Variants in IQCJ observed in about 807,000 individuals in gnomAD.
The protein encoded by IQCJ is IQ domain-containing protein J.
Under a neutral mutation model 11.0 loss-of-function variants are expected in IQCJ, and 9 were observed. The observed-to-expected ratio is 0.82, with a 90% CI of 0.49 to 1.43. The LOEUF (loss-of-function observed/expected upper bound fraction) is 1.43. IQCJ is among the 40% of genes most tolerant of loss of function. The pLI is 0.00. For synonymous variants in IQCJ, 55 were observed against 51.3 expected (o/e 1.07, Z -0.31); for missense variants, 146 against 133.2 (o/e 1.10, Z -0.47).
At chr3:159,205,889 G>A (rs2108078275) in intron 1 of IQCJ, among the ~76,000 whole-genome samples, 1 of 152,244 alleles carries the variant, frequency 6.6e-6, no homozygotes, top group South Asian at 2.1e-4. Flanking sequence ...TCCTGTTTCT[G>A]TTCTTCTTTT....
At chr3:159,120,891 T>C (rs924853520) in intron 1 of IQCJ, among the ~76,000 whole-genome samples, 2 of 152,150 alleles carry the variant, frequency 1.3e-5, no homozygotes, top group Non-Finnish European at 2.9e-5. Flanking sequence ...TATTTCTGGG[T>C]TTATATTCAT....
At chr3:159,162,784 A>G (rs1721943087) in intron 1 of IQCJ, among the ~76,000 whole-genome samples, 1 of 152,226 alleles carries the variant, frequency 6.6e-6, no homozygotes, top group African/African-American at 2.4e-5. Flanking sequence ...GTCAGAGAAT[A>G]CTACAAACAC....
intron 1 of IQCJ, among the ~76,000 whole-genome samples, chr3:159,214,582 G>A (rs9865327): frequency 0.024 from 3,679 of 152,212 alleles, 155 homozygotes; most frequent in African/African-American, 0.084. Context: ...ATTTCTACAT[G>A]TGGCCCAGGG....
intron 1 of IQCJ, among the ~76,000 whole-genome samples, chr3:159,179,082 A>G (rs1722950178): frequency 6.6e-6 from 1 of 152,134 alleles, no homozygotes. Context: ...CTCTAGCACA[A>G]TGTCCGTGAA....
intron 1 of IQCJ, among the ~76,000 whole-genome samples, chr3:159,157,735 A>G (rs1284925495): frequency 6.6e-6 from 1 of 152,220 alleles, no homozygotes; most frequent in Non-Finnish European, 1.5e-5. Context: ...ATAATTTCTC[A>G]TATATCCTTC....
chr3:159,079,858 T>A (rs1257687241), intron 1 of IQCJ, among the ~76,000 whole-genome samples: 4 of 152,126 alleles, frequency 2.6e-5, no homozygotes, highest in Admixed American at 2.6e-4. Flanking sequence ...CACAAATCTT[T>A]ATTTTTTTAT....
At chr3:159,218,388 A>G (rs1451591590) in intron 1 of IQCJ, among the ~76,000 whole-genome samples, 1 of 151,808 alleles carries the variant, frequency 6.6e-6, no homozygotes, top group African/African-American at 2.4e-5. Flanking sequence ...AAAAAGAAAC[A>G]TATCAGAAGT....
chr3:159,150,105 G>A (rs1721124204), intron 1 of IQCJ, among the ~76,000 whole-genome samples: 1 of 152,160 alleles, frequency 6.6e-6, no homozygotes, highest in South Asian at 2.1e-4. Context: ...CTAATCCCAA[G>A]ATGGTTGTTG....
At chr3:159,260,292 T>C (rs926777534) in intron 3 of IQCJ, among the ~76,000 whole-genome samples, 3 of 152,176 alleles carry the variant, frequency 2.0e-5, no homozygotes, top group African/African-American at 7.2e-5. Context: ...GTATCTCAAA[T>C]GGCCACTATA....
intron 1 of IQCJ, among the ~76,000 whole-genome samples, chr3:159,115,273 C>T (rs191327819): frequency 1.3e-5 from 2 of 152,328 alleles, no homozygotes; most frequent in East Asian, 3.9e-4. Context: ...GGCAAGGCCT[C>T]ATCCCTTCAA....
chr3:159,119,310 G>A (rs1452802388), intron 1 of IQCJ, among the ~76,000 whole-genome samples: 1 of 152,138 alleles, frequency 6.6e-6, no homozygotes, highest in Non-Finnish European at 1.5e-5. Flanking sequence ...TGGGTGCTGA[G>A]GATCTGTTCT....
intron 1 of IQCJ, among the ~76,000 whole-genome samples, chr3:159,242,198 G>T (rs1295307194): frequency 8.5e-5 from 13 of 152,154 alleles, no homozygotes; most frequent in Admixed American, 8.5e-4. Context: ...ATAGGTGGGG[G>T]TTCGTGTTAC....
chr3:159,200,606 G>T (rs957791419), intron 1 of IQCJ, among the ~76,000 whole-genome samples: 9 of 152,140 alleles, frequency 5.9e-5, no homozygotes, highest in Non-Finnish European at 1.0e-4. Flanking sequence ...GACAGGTTAG[G>T]GTGTGAGCAC....
intron 1 of IQCJ, among the ~76,000 whole-genome samples, chr3:159,082,901 G>A (rs190064756): frequency 1.1e-4 from 17 of 152,220 alleles, no homozygotes; most frequent in Non-Finnish European, 1.5e-4. Flanking sequence ...AAATGTGAGA[G>A]AAATCTGATA....
At chr3:159,240,852 C>T (rs1726876711) in intron 1 of IQCJ, among the ~76,000 whole-genome samples, 2 of 152,164 alleles carry the variant, frequency 1.3e-5, no homozygotes, top group South Asian at 4.1e-4. Context: ...CTTGGCCTCC[C>T]AAAGTGTTGG....
At chr3:159,086,935 C>G (rs1044773822) in intron 1 of IQCJ, among the ~76,000 whole-genome samples, 1 of 152,116 alleles carries the variant, frequency 6.6e-6, no homozygotes, top group Non-Finnish European at 1.5e-5. Flanking sequence ...ATTGCCCTGG[C>G]CAAAACTTCC....
intron 1 of IQCJ, among the ~76,000 whole-genome samples, chr3:159,168,462 A>T (rs1722300110): frequency 6.6e-6 from 1 of 152,198 alleles, no homozygotes; most frequent in Admixed American, 6.5e-5. Context: ...TTAAAAATTC[A>T]GTCAAATATA....
Position 159,263,601 on chromosome 3 carries a change from A to C in IQCJ, c.*870A>C. 1.0e-6 allele frequency: 1 copy of C among 985,034 alleles called. No homozygotes were observed. The allele number at this position is 985,034 out of a possible 1,614,324, so 61.0% of individuals were successfully genotyped here. On this transcript the variant is annotated 3_prime_UTR_variant, in exon 4 of 4. Transcript: ENST00000397832. ...ATTACACAAGTATATTACTTCCAAAAATTTTTCTTTTACTTTTGGTTATCA... is the reference window on the plus strand; with the variant it reads ...ATTACACAAGTATATTACTTCCAAACATTTTTCTTTTACTTTTGGTTATCA...
intron 1 of IQCJ, among the ~76,000 whole-genome samples, chr3:159,171,906 T>G (rs1722503989): frequency 2.0e-5 from 3 of 152,240 alleles, no homozygotes; most frequent in South Asian, 4.1e-4. Context: ...TTGATACTTC[T>G]GGTCCAAGGA....
Sources: gnomAD v4.1 joint callset for allele counts (sites outside exome capture counted in the v4.1 genomes callset) on GRCh38, gnomAD v4.1.1 for gene constraint, MANE v1.5 for transcripts, NCBI Gene and HGNC (gene_info 2026-07-23, HGNC 2026-07-21) for gene names.